The following MTHFD2L variants were observed in gnomAD, a reference collection of about 807,000 sequenced individuals.
MTHFD2L encodes the protein methylenetetrahydrofolate dehydrogenase (NADP+ dependent) 2 like.
In MTHFD2L, 29 loss-of-function variants were observed where a neutral mutation model predicts 34.9. The observed-to-expected ratio is 0.83, with a 90% CI of 0.62 to 1.13. MTHFD2L has a LOEUF of 1.13. MTHFD2L is among the 50% of genes most tolerant of loss of function. The pLI is 0.00. For synonymous variants in MTHFD2L, 167 were observed against 155.7 expected (o/e 1.07, Z -0.54); for missense variants, 481 against 446.5 (o/e 1.08, Z -0.70).
chr4:74,159,426 T>C (rs939029263), intron 1 of MTHFD2L, among the ~76,000 whole-genome samples: 1 of 152,242 alleles, frequency 6.6e-6, no homozygotes, highest in Non-Finnish European at 1.5e-5. Flanking sequence ...AGGAAATTAT[T>C]TGCCGTCACT....
chr4:74,228,370 AG>A (rs1739503050), intron 6 of MTHFD2L, among the ~76,000 whole-genome samples: 1 of 152,230 alleles, frequency 6.6e-6, no homozygotes, highest in Non-Finnish European at 1.5e-5. Context: ...TTCTAACCTT[AG>A]GAAGAATGAA....
At chr4:74,133,519 T>C (rs1468183562) in intron 1 of MTHFD2L, among the ~76,000 whole-genome samples, 1 of 152,154 alleles carries the variant, frequency 6.6e-6, no homozygotes, top group African/African-American at 2.4e-5. Flanking sequence ...TTTTTTTCTT[T>C]TCTTTCTTTG....
At chr4:74,252,117 C>G (rs1415007356) in intron 6 of MTHFD2L, among the ~76,000 whole-genome samples, 1 of 152,234 alleles carries the variant, frequency 6.6e-6, no homozygotes, top group Admixed American at 6.5e-5. Context: ...ACCTCTTTCT[C>G]TACTCTTGGC....
At chr4:74,203,997 T>C (rs1183573022) in intron 5 of MTHFD2L, among the ~76,000 whole-genome samples, 1 of 152,076 alleles carries the variant, frequency 6.6e-6, no homozygotes, top group African/African-American at 2.4e-5. Flanking sequence ...TAAACCATCC[T>C]CATTAATTCT....
At chr4:74,173,633 G>T (rs149803084) in intron 1 of MTHFD2L, among the ~76,000 whole-genome samples, 160 of 152,212 alleles carry the variant, frequency 1.1e-3, no homozygotes, top group Non-Finnish European at 1.9e-3. Flanking sequence ...AACTGATTTC[G>T]CCTTAGGGTC....
chr4:74,268,452 T>C (rs1390926820), intron 6 of MTHFD2L, among the ~76,000 whole-genome samples: 1 of 152,070 alleles, frequency 6.6e-6, no homozygotes, highest in Non-Finnish European at 1.5e-5. Context: ...TGACTCATCA[T>C]TGTGAAACCA....
intron 6 of MTHFD2L, among the ~76,000 whole-genome samples, chr4:74,251,995 G>A (rs1464845532): frequency 6.6e-6 from 1 of 152,166 alleles, no homozygotes; most frequent in Admixed American, 6.5e-5. Flanking sequence ...GTGGGTGATG[G>A]GACCCAGGTG....
chr4:74,247,538 G>A (rs1338411703), intron 6 of MTHFD2L, among the ~76,000 whole-genome samples: 1 of 152,132 alleles, frequency 6.6e-6, no homozygotes, highest in Non-Finnish European at 1.5e-5. Flanking sequence ...TGGTGAGAGA[G>A]GGCATCCCTG....
intron 6 of MTHFD2L, among the ~76,000 whole-genome samples, chr4:74,250,663 C>T (rs1447684235): frequency 6.6e-6 from 1 of 152,068 alleles, no homozygotes; most frequent in African/African-American, 2.4e-5. Flanking sequence ...TGCCTTGCAC[C>T]TTTGCTAATG....
chr4:74,257,235 G>A (rs1270776237), intron 6 of MTHFD2L, among the ~76,000 whole-genome samples: 1 of 152,068 alleles, frequency 6.6e-6, no homozygotes, highest in Non-Finnish European at 1.5e-5. Context: ...AAATGGGATT[G>A]CATTCCTGAC....
chr4:74,184,914 CCAAGATGGG>C (rs1730863644), intron 3 of MTHFD2L, among the ~76,000 whole-genome samples: 1 of 151,808 alleles, frequency 6.6e-6, no homozygotes, highest in South Asian at 2.1e-4. Flanking sequence ...CTTTAGGAGG[CCAAGATGGG>C]CAGATCAGGA....
At chr4:74,161,400 A>C (rs1725434083) in intron 1 of MTHFD2L, 1 of 152,184 alleles carries the variant, frequency 6.6e-6, no homozygotes. Context: ...TTTAGTTGGC[A>C]AATGTGATAA....
At chr4:74,249,901 G>T (rs550999123) in intron 6 of MTHFD2L, among the ~76,000 whole-genome samples, 2 of 152,168 alleles carry the variant, frequency 1.3e-5, no homozygotes, top group South Asian at 4.2e-4. Flanking sequence ...TTTCTTTCTG[G>T]CTGCCCTTAA....
chr4:74,290,657 T>G (rs1271252377), intron 7 of MTHFD2L, among the ~76,000 whole-genome samples: 1 of 152,098 alleles, frequency 6.6e-6, no homozygotes, highest in African/African-American at 2.4e-5. Context: ...TGTGTGTGTG[T>G]GTGTACGCGC....
At chr4:74,276,588 T>C (rs775350409) in intron 6 of MTHFD2L, among the ~76,000 whole-genome samples, 1 of 152,130 alleles carries the variant, frequency 6.6e-6, no homozygotes, top group African/African-American at 2.4e-5. Context: ...TTATCTAATA[T>C]TTAAATCGAT....
At chr4:74,233,101 G>C (rs997092321) in intron 6 of MTHFD2L, among the ~76,000 whole-genome samples, 1 of 152,100 alleles carries the variant, frequency 6.6e-6, no homozygotes, top group Non-Finnish European at 1.5e-5. Context: ...TTACACGTGT[G>C]TTTAATATTA....
intron 3 of MTHFD2L, among the ~76,000 whole-genome samples, chr4:74,189,873 T>C (rs1473931699): frequency 6.6e-6 from 1 of 152,110 alleles, no homozygotes; most frequent in Non-Finnish European, 1.5e-5. Context: ...CAAAAGGCCC[T>C]ATGGAAGATG....
At chr4:74,241,141 GAT>G (rs1741646579) in intron 6 of MTHFD2L, among the ~76,000 whole-genome samples, 1 of 152,116 alleles carries the variant, frequency 6.6e-6, no homozygotes, top group African/African-American at 2.4e-5. Context: ...GAGGGAAAGA[GAT>G]AGAAAAGAAA....
chr4:74,246,667 G>A (rs1578602727), intron 6 of MTHFD2L, among the ~76,000 whole-genome samples: 1 of 152,128 alleles, frequency 6.6e-6, no homozygotes, highest in East Asian at 1.9e-4. Flanking sequence ...AAGGTGTAAG[G>A]AAGGGATCCA....
Sources: allele counts gnomAD v4.1 joint callset (sites outside exome capture counted in the v4.1 genomes callset), GRCh38; gene constraint gnomAD v4.1.1; transcripts MANE v1.5; gene names NCBI Gene and HGNC (gene_info 2026-07-23, HGNC 2026-07-21).